The following FGFR2 variants were observed in gnomAD, a reference collection of about 807,000 sequenced individuals.
FGFR2 encodes the protein fibroblast growth factor receptor 2, also known as BEK fibroblast growth factor receptor.
A neutral mutation model predicts 95.9 loss-of-function variants in FGFR2; 19 were observed. The ratio of observed to expected loss-of-function variants is 0.20; its 90% confidence interval spans 0.14 to 0.29. The LOEUF is 0.29. FGFR2 is among the 10% of genes least tolerant of loss of function. The pLI, the probability that FGFR2 is intolerant of heterozygous loss-of-function variation, is 1.00. For synonymous variants in FGFR2, 392 were observed against 393.3 expected, an observed-to-expected ratio of 1.00 and a Z score of 0.04; for missense variants, 707 against 1,056.9, an observed-to-expected ratio of 0.67 and a Z score of 4.59.
intron 9 of FGFR2, 50 bp downstream of exon 9, chr10:121,515,067 G>T (rs74160621): frequency 1.3e-6 from 2 of 1,561,236 alleles, no homozygotes; most frequent in Non-Finnish European, 1.8e-6. Flanking sequence ...CCACAAGCTG[G>T]CTGGGTCATG....
chr10:121,589,867 G>A (rs1322328308), intron 2 of FGFR2, among the ~76,000 whole-genome samples: 1 of 152,158 alleles, frequency 6.6e-6, no homozygotes, highest in Non-Finnish European at 1.5e-5. Flanking sequence ...AAACAAAGAT[G>A]CAGATAATAC....
intron 16 of FGFR2, 141 bp from the exon 17 acceptor site, chr10:121,483,944 T>G (rs1845088949): frequency 1.5e-6 from 1 of 674,794 alleles, no homozygotes; most frequent in Admixed American, 2.3e-5. Context: ...TAGGGGGTCA[T>G]GAATCACTTT....
intron 4 of FGFR2, among the ~76,000 whole-genome samples, chr10:121,561,766 G>A (rs1193816744): frequency 1.3e-5 from 2 of 152,286 alleles, no homozygotes; most frequent in East Asian, 3.9e-4. Flanking sequence ...CCACAGGTGA[G>A]GGGAGAAACT....
intron 6 of FGFR2, among the ~76,000 whole-genome samples, chr10:121,522,806 C>T (rs1850742608): frequency 6.6e-6 from 1 of 152,164 alleles, no homozygotes; most frequent in African/African-American, 2.4e-5. Context: ...TCCCTCTCTT[C>T]CTCCCCTAGG....
chr10:121,481,014 T>A (rs998055006), intron 17 of FGFR2, among the ~76,000 whole-genome samples: 4 of 152,194 alleles, frequency 2.6e-5, no homozygotes, highest in African/African-American at 9.7e-5. Flanking sequence ...CCATAAAATT[T>A]TACTAGAAGA....
At chr10:121,550,947 A>G (rs538317202) in intron 5 of FGFR2, among the ~76,000 whole-genome samples, 1 of 152,206 alleles carries the variant, frequency 6.6e-6, no homozygotes, top group Non-Finnish European at 1.5e-5. Flanking sequence ...AGGGCTGGGC[A>G]TCGTGGCTCA....
chr10:121,496,816 T>C, intron 12 of FGFR2, 94 bp from the exon 13 acceptor site: 9 of 188,946 alleles, frequency 4.8e-5, no homozygotes, highest in Non-Finnish European at 5.7e-5. Flanking sequence ...CAACCCATGC[T>C]TTTTTTTTTT....
At chr10:121,580,986 A>G (rs1224898436) in intron 2 of FGFR2, among the ~76,000 whole-genome samples, 1 of 152,150 alleles carries the variant, frequency 6.6e-6, no homozygotes, top group African/African-American at 2.4e-5. Context: ...GAGGAGGCAG[A>G]ATCCCATCCT....
rs936627499 is a variant in FGFR2 at position 121,594,009 on chromosome 10, G to T, written c.-150-42C>A. The T allele has an allele frequency of 1.8e-5, 12 of 675,462 alleles. No individual in the cohort carries two copies. The African/African-American group carries it at 2.1e-4, about 12-fold the overall frequency. 41.8% of individuals were successfully genotyped at this position (675,462 alleles called of 1,614,324 possible). On this transcript the variant is annotated intron_variant, in intron 1 of 17. Transcript: ENST00000358487. Reference sequence around the variant, plus strand: ...GGCGAGTCAGGGAATCTTCCCCAATGCCAAATCACTCCAGCCCAAGTGGGA... The same window carrying T: ...GGCGAGTCAGGGAATCTTCCCCAATTCCAAATCACTCCAGCCCAAGTGGGA...
Position 121,508,759 on chromosome 10 carries a change from C to T in FGFR2, c.1288-4818G>A, listed in dbSNP as rs373483493. On this transcript the variant is annotated intron_variant, in intron 9 of 17. Transcript: ENST00000358487. The stretch of plus-strand genomic sequence containing the variant: ...AAAATACTTTTATAAGAACACGAAA[C>T]GGGGGAAAAGGGTAAGAAAACGTGC... Among the ~76,000 whole-genome samples the T allele has an allele frequency of 3.3e-4, 50 of 152,266 alleles. 1 individual carries two copies. Among genetic ancestry groups the T allele is most frequent in the Non-Finnish European group, 5.7e-4 (39 of 68,006 alleles).
rs67778522 is a variant in FGFR2 at position 121,509,482 on chromosome 10, CTTTTTTTTTTTTTTT to C, written c.1288-5556_1288-5542del. Among the ~76,000 whole-genome samples, 224 of 45,374 alleles carry C rather than the reference CTTTTTTTTTTTTTTT, an allele frequency of 4.9e-3. 4 individuals are homozygous for C. Among genetic ancestry groups the C allele is most frequent in the African/African-American group, 0.017 (202 of 11,586 alleles). The allele number at this position is 45,374 out of a possible 152,430, so 29.8% of individuals were successfully genotyped here. On this transcript the variant is annotated intron_variant, in intron 9 of 17. Transcript: ENST00000358487. ...AGAAACAGTGTTATCTGTTTCTTTT[CTTTTTTTTTTTTTTT>C]TTTTTTTTTTTTGGTTTGAGACAGA...
intron 6 of FGFR2, among the ~76,000 whole-genome samples, chr10:121,530,698 G>T (rs1851974668): frequency 1.3e-5 from 2 of 152,172 alleles, no homozygotes. Flanking sequence ...TGAGTTTAGA[G>T]AGAAACTCTA....
intron 5 of FGFR2, among the ~76,000 whole-genome samples, chr10:121,550,230 C>T (rs2981431): frequency 0.48 from 73,111 of 151,906 alleles, 18,622 homozygotes; most frequent in Middle Eastern, 0.57. Context: ...ATGCAACATG[C>T]TCCTGCAACT....
rs1188937150 is a variant in FGFR2, at chr10:121,518,775, C to T, written c.939+1204G>A. ...CATATATATTCCCCAGCATCCGCCT[C>T]GGTCACATTGAACAGAGCCAGCACT... is the stretch of plus-strand genomic sequence containing the variant. On this transcript the variant is annotated intron_variant, in intron 7 of 17. Transcript: ENST00000358487. This position sits in a 1 kb window ranked among gnomAD's most constrained non-coding sequence, Gnocchi z 4.0. 6.2e-6 allele frequency: 10 copies of T among 1,614,052 alleles called. No homozygotes were observed. Among genetic ancestry groups the T allele is most frequent in the South Asian group, 4.4e-5 (4 of 91,084 alleles).
At chr10:121,555,796 T>C (rs543706552) in intron 4 of FGFR2, among the ~76,000 whole-genome samples, 77 of 152,330 alleles carry the variant, frequency 5.1e-4, no homozygotes, top group Non-Finnish European at 6.3e-4. Flanking sequence ...CATTGCACAT[T>C]AGTAATAATA....
At chr10:121,482,053 G>T (rs1589701539) in intron 17 of FGFR2, 9 of 791,010 alleles carry the variant, frequency 1.1e-5, no homozygotes, top group Non-Finnish European at 1.7e-5. Context: ...TGGCCAGGCT[G>T]GTCTGGAACT....
At chr10:121,579,613 A>G (rs2135333919) in intron 2 of FGFR2, among the ~76,000 whole-genome samples, 1 of 152,300 alleles carries the variant, frequency 6.6e-6, no homozygotes, top group South Asian at 2.1e-4. Context: ...CTATTCATCC[A>G]TCCAACACAT....
At chr10:121,487,311 A>G (rs1845549227) in intron 15 of FGFR2, 43 bp downstream of exon 15, 7 of 1,488,684 alleles carry the variant, frequency 4.7e-6, no homozygotes, top group Non-Finnish European at 6.6e-6. Flanking sequence ...GTATTTTTGC[A>G]GCTCAAGCCC....
chr10:121,482,269 G>A lies in FGFR2; in HGVS notation c.2301+1429C>T, dbSNP rs981267045. 1.6e-5 allele frequency: 20 copies of A among 1,254,850 alleles called. No homozygotes were observed. In the Admixed American group the frequency reaches 3.1e-4, roughly 20 times the overall value. The allele number at this position is 1,254,850 out of a possible 1,614,324, so 77.7% of individuals were successfully genotyped here. A position where few individuals can be genotyped will look rare whatever the true frequency, so the allele number is the denominator to read the frequency against. On this transcript the variant is annotated intron_variant, in intron 17 of 17. Transcript: ENST00000358487. ...ACAACAATTTTGGCAGAAGAAGAAA[G>A]TTGGTTTCTTCCCCCCCTTGAACCG...
Sources: allele counts gnomAD v4.1 joint callset (sites outside exome capture counted in the v4.1 genomes callset), GRCh38; gene constraint gnomAD v4.1.1; non-coding constraint Gnocchi (gnomAD v3.1); transcripts MANE v1.5; gene names NCBI Gene and HGNC (gene_info 2026-07-23, HGNC 2026-07-21).